STK17B: variants seen among roughly 807,000 people sequenced by gnomAD.
STK17B encodes serine/threonine kinase 17b.
In STK17B, 21 loss-of-function variants were observed where a neutral mutation model predicts 42.0. That is an observed-to-expected ratio of 0.50 (90% CI 0.35 to 0.72). The LOEUF (loss-of-function observed/expected upper bound fraction) is 0.72. Among genes scored for constraint, STK17B ranks in the 30% least tolerant of loss-of-function variants. The pLI is 0.00. For missense variants in STK17B, 349 were observed against 446.0 expected (o/e 0.78, Z 1.96); for synonymous variants, 143 against 148.4 (o/e 0.96, Z 0.26).
intron 2 of STK17B, among the ~76,000 whole-genome samples, chr2:196,162,538 AC>A (rs1248780299): frequency 1.3e-5 from 2 of 152,038 alleles, no homozygotes; most frequent in East Asian, 3.8e-4. Context: ...AATCCTCATA[AC>A]AACCATATAA....
At chr2:196,168,397 G>A (rs985296971) in intron 1 of STK17B, among the ~76,000 whole-genome samples, 2 of 152,204 alleles carry the variant, frequency 1.3e-5, no homozygotes, top group African/African-American at 2.4e-5. Flanking sequence ...AATGCATGGT[G>A]CTTGTCACTC....
chr2:196,173,118 A>G (rs1016037300), upstream of STK17B, among the ~76,000 whole-genome samples: 8 of 152,190 alleles, frequency 5.3e-5, no homozygotes, highest in Middle Eastern at 6.8e-3. Flanking sequence ...AGATCACTTC[A>G]CACCTAGACA....
chr2:196,164,792 AG>A (rs1182677337), intron 1 of STK17B, among the ~76,000 whole-genome samples: 2 of 152,338 alleles, frequency 1.3e-5, no homozygotes, highest in African/African-American at 2.4e-5. Context: ...CCTGGGCGAT[AG>A]ATGGAGACCT....
upstream of STK17B, chr2:196,171,712 T>A (rs2105721337): frequency 7.0e-6 from 1 of 143,712 alleles, no homozygotes; most frequent in East Asian, 2.0e-4. Flanking sequence ...CGGGGGCGCG[T>A]GTGCGGGGCG....
chr2:196,147,358 T>C (rs1340910478), intron 3 of STK17B, among the ~76,000 whole-genome samples: 1 of 152,104 alleles, frequency 6.6e-6, no homozygotes, highest in Non-Finnish European at 1.5e-5. Flanking sequence ...GAATGAATGA[T>C]GGAATGGGCA....
chr2:196,173,458 G>C (rs923084704), upstream of STK17B, among the ~76,000 whole-genome samples: 1 of 152,194 alleles, frequency 6.6e-6, no homozygotes, highest in African/African-American at 2.4e-5. Context: ...CCTGATGTCA[G>C]ATTTGTTAAC....
intron 3 of STK17B, among the ~76,000 whole-genome samples, chr2:196,147,302 G>GTATC (rs71009080): frequency 0.64 from 96,728 of 151,320 alleles, 31,222 homozygotes; most frequent in East Asian, 0.9. Flanking sequence ...ATCAAGAACA[G>GTATC]TATCTAGCAT....
rs568799020 is a variant in STK17B at position 196,154,156 on chromosome 2, C to T, written c.335+2283G>A. ...GGCTGAGGCAGGGCAATCGCTTGAA[C>T]CCAGGAGGCAGAGGTTGCAGTAAGC... is the stretch of plus-strand genomic sequence containing the variant. On this transcript the variant is annotated intron_variant, in intron 3 of 7. Coordinates refer to ENST00000263955, the MANE Select transcript of STK17B (RefSeq NM_004226.4). 8 of 152,268 alleles carry T rather than the reference C, an allele frequency of 5.3e-5. No individual in the cohort carries two copies. In the East Asian group the frequency reaches 1.2e-3, roughly 22 times the overall value. 9.4% of individuals were successfully genotyped at this position (152,268 alleles called of 1,614,324 possible).
intron 1 of STK17B, among the ~76,000 whole-genome samples, chr2:196,165,029 ATTATT>A (rs763643546): frequency 1.6e-4 from 24 of 152,300 alleles, no homozygotes; most frequent in Non-Finnish European, 2.4e-4. Flanking sequence ...CCTTAATTAA[ATTATT>A]TAACTTTGCT....
intron 5 of STK17B, among the ~76,000 whole-genome samples, chr2:196,143,026 T>G (rs1188361999): frequency 6.6e-6 from 1 of 152,226 alleles, no homozygotes; most frequent in Non-Finnish European, 1.5e-5. Context: ...GCACTCTTCT[T>G]CAAAACCCTA....
In STK17B at chr2:196,137,197, G is replaced by A; in HGVS notation, c.*250C>T. The A allele has an allele frequency of 2.5e-6, 1 of 405,678 alleles. No individual in the cohort carries two copies. Among genetic ancestry groups the A allele is most frequent in the Non-Finnish European group, 4.4e-6 (1 of 229,196 alleles). 25.1% of individuals were successfully genotyped at this position (405,678 alleles called of 1,614,324 possible). A position where few individuals can be genotyped will look rare whatever the true frequency, so the allele number is the denominator to read the frequency against. Reference sequence around the variant, plus strand: ...TGAAGTTGAATTATTTCATTAACATGTAAACTCACATGTACAATTTTACTT... The same window carrying A: ...TGAAGTTGAATTATTTCATTAACATATAAACTCACATGTACAATTTTACTT... On this transcript the variant is annotated 3_prime_UTR_variant, in exon 8 of 8. Transcript: ENST00000263955.
intron 2 of STK17B, among the ~76,000 whole-genome samples, chr2:196,160,069 AAT>A (rs1699791679): frequency 6.6e-6 from 1 of 152,234 alleles, no homozygotes; most frequent in Admixed American, 6.5e-5. Flanking sequence ...TGATCTTTAA[AAT>A]ATGTTTCTAT....
Position 196,136,673 on chromosome 2 carries a change from T to A in STK17B, c.*774A>T, listed in dbSNP as rs888172923. The A allele has an allele frequency of 6.6e-6, 1 of 152,186 alleles. No individual in the cohort carries two copies. The highest frequency in any genetic ancestry group is 2.4e-5 in the African/African-American group (1 of 41,436). 9.4% of individuals were successfully genotyped at this position (152,186 alleles called of 1,614,324 possible). A position where few individuals can be genotyped will look rare whatever the true frequency, so the allele number is the denominator to read the frequency against. On this transcript the variant is annotated 3_prime_UTR_variant, in exon 8 of 8. Coordinates refer to ENST00000263955, the MANE Select transcript of STK17B (RefSeq NM_004226.4). ...ACCTAAGTATCTTCTACTCTAGAAATTCTGGAGGATTAAAAAACTCTACAC... is the reference window on the plus strand; with the variant it reads ...ACCTAAGTATCTTCTACTCTAGAAAATCTGGAGGATTAAAAAACTCTACAC...
At position 196,156,359 on chromosome 2, in the gene STK17B, C is replaced by G. The variant is rs1033837134; in HGVS notation, c.335+80G>C. The G allele has an allele frequency of 3.4e-6, 4 of 1,179,952 alleles. No homozygotes were observed. In the African/African-American group the frequency reaches 4.7e-5, roughly 14 times the overall value. 73.1% of individuals were successfully genotyped at this position (1,179,952 alleles called of 1,614,324 possible). A position where few individuals can be genotyped will look rare whatever the true frequency, so the allele number is the denominator to read the frequency against. On this transcript the variant is annotated intron_variant, in intron 3 of 7. Transcript: ENST00000263955. ...CAGGAATCTTTACAAGTTCTTGTCACACCTTTATCATTCTTATTCTTGACA... is the reference window on the plus strand; with the variant it reads ...CAGGAATCTTTACAAGTTCTTGTCAGACCTTTATCATTCTTATTCTTGACA...
At chr2:196,157,752 C>T (rs934440604) in intron 2 of STK17B, among the ~76,000 whole-genome samples, 1 of 152,090 alleles carries the variant, frequency 6.6e-6, no homozygotes, top group African/African-American at 2.4e-5. Flanking sequence ...GTACCTCTGC[C>T]AAAATTTAAA....
At chr2:196,173,650 C>T (rs191967675), upstream of STK17B, among the ~76,000 whole-genome samples, 3 of 152,272 alleles carry the variant, frequency 2.0e-5, no homozygotes, top group South Asian at 2.1e-4. Flanking sequence ...CATTCATCAC[C>T]GTGTCAAAGA....
intron 3 of STK17B, among the ~76,000 whole-genome samples, chr2:196,147,732 A>G (rs984152870): frequency 1.5e-5 from 1 of 64,790 alleles, no homozygotes; most frequent in Admixed American, 1.7e-4. Context: ...ATGAGACATA[A>G]TATATTTTTT....
intron 4 of STK17B, among the ~76,000 whole-genome samples, chr2:196,145,508 G>A (rs757032193): frequency 1.3e-4 from 20 of 152,096 alleles, no homozygotes; most frequent in Non-Finnish European, 2.9e-5. Flanking sequence ...AATGAATGAA[G>A]GTAATAGGAG....
At chr2:196,153,241 G>T (rs1575179391) in intron 3 of STK17B, 1 of 89,320 alleles carries the variant, frequency 1.1e-5, no homozygotes, top group African/African-American at 3.9e-5. Flanking sequence ...TAGTCTAAGT[G>T]CAAAAACAAT....
Sources: gnomAD v4.1 joint callset for allele counts (sites outside exome capture counted in the v4.1 genomes callset) on GRCh38, gnomAD v4.1.1 for gene constraint, MANE v1.5 for transcripts, NCBI Gene and HGNC (gene_info 2026-07-23, HGNC 2026-07-21) for gene names.